The following CORO1C variants were observed in gnomAD, a reference collection of about 807,000 sequenced individuals.
The protein encoded by CORO1C is coronin-1C.
CORO1C carries 14 observed loss-of-function variants against 51.2 expected under a neutral mutation model. The ratio of observed to expected loss-of-function variants is 0.27; its 90% CI spans 0.18 to 0.43. The LOEUF (loss-of-function observed/expected upper bound fraction) is 0.43. Ranked by LOEUF, CORO1C falls within the 20% of genes least tolerant of loss-of-function variation. CORO1C has a pLI of 1.00. For missense variants in CORO1C, 417 were observed against 607.8 expected (o/e 0.69, Z 3.30); for synonymous variants, 181 against 210.5 (o/e 0.86, Z 1.21).
chr12:108,694,568 C>T (rs1398872375), intron 2 of CORO1C, among the ~76,000 whole-genome samples: 1 of 152,034 alleles, frequency 6.6e-6, no homozygotes, highest in Non-Finnish European at 1.5e-5. Context: ...TCAATGTTAA[C>T]ATTGCACATT....
At chr12:108,664,171 T>C (rs1234161888) in intron 3 of CORO1C, among the ~76,000 whole-genome samples, 4 of 152,136 alleles carry the variant, frequency 2.6e-5, no homozygotes, top group Admixed American at 2.0e-4. Context: ...AACAAGTAAA[T>C]TTACCATCAG....
chr12:108,655,935 G>A (rs565587678), intron 6 of CORO1C, among the ~76,000 whole-genome samples: 3 of 151,918 alleles, frequency 2.0e-5, no homozygotes, highest in Non-Finnish European at 4.4e-5. Context: ...AGGAAGTGAG[G>A]AGCGTCTCTG....
intron 4 of CORO1C, among the ~76,000 whole-genome samples, chr12:108,661,820 C>T (rs1407472372): frequency 6.6e-6 from 1 of 152,108 alleles, no homozygotes; most frequent in Non-Finnish European, 1.5e-5. Flanking sequence ...CTCAGGTTGT[C>T]GAAATGGCCT....
At chr12:108,659,007 A>C in intron 4 of CORO1C, 88 bp from the exon 5 acceptor site, 1 of 1,344,178 alleles carries the variant, frequency 7.4e-7, no homozygotes, top group Non-Finnish European at 1.0e-6. Context: ...GAGAATACAC[A>C]TATGTATATG....
intron 2 of CORO1C, among the ~76,000 whole-genome samples, chr12:108,683,930 G>GT (rs1856534838): frequency 1.3e-5 from 2 of 152,314 alleles, no homozygotes; most frequent in South Asian, 2.1e-4. Flanking sequence ...ACAAAGGACA[G>GT]TATAAGGGAG....
intron 1 of CORO1C, chr12:108,702,658 G>A (rs2034909646): frequency 1.2e-6 from 1 of 856,430 alleles, no homozygotes; most frequent in Non-Finnish European, 1.7e-6. Flanking sequence ...ACAGAGGAGA[G>A]CTAACACCTG....
rs2032498618 is a variant in CORO1C at position 108,648,745 on chromosome 12, A to G, written c.1165T>C (p.Ser389Pro). 6.2e-7 allele frequency: 1 copy of G among 1,613,984 alleles called. No individual in the cohort carries two copies. The change falls in exon 10 of 11, where the codon TCC becomes CCC. Residue 389 changes from serine to proline, a missense_variant. Ser to Pro is a moderately conservative substitution (Grantham distance 74). Coordinates refer to ENST00000261401, the MANE Select transcript of CORO1C (RefSeq NM_014325.4). ...EGKNADPILI[S>P]LKHGYIPGKN... is the part of the protein sequence containing the mutation. ...CCTGGAATGTACCCGTGCTTCAAGGAGATGAGGATTGGGTCTGCATTCTTG... is the reference window on the plus strand; with the variant it reads ...CCTGGAATGTACCCGTGCTTCAAGGGGATGAGGATTGGGTCTGCATTCTTG...
intron 4 of CORO1C, 155 bp downstream of exon 4, chr12:108,661,874 C>T: frequency 1.2e-5 from 9 of 728,098 alleles, no homozygotes; most frequent in Non-Finnish European, 2.0e-5. Flanking sequence ...TGTATGTGGG[C>T]TGGGGGAGCA....
intron 1 of CORO1C, chr12:108,701,589 A>G: frequency 2.1e-6 from 1 of 477,106 alleles, no homozygotes; most frequent in South Asian, 2.2e-5. Context: ...ATTTCAATGG[A>G]AAGATTAAGG....
intron 2 of CORO1C, among the ~76,000 whole-genome samples, chr12:108,700,635 G>C (rs12298235): frequency 2.1e-4 from 31 of 150,780 alleles, no homozygotes; most frequent in African/African-American, 7.3e-4. Flanking sequence ...TTGAGTTCTT[G>C]TTCCATTTCC....
intron 1 of CORO1C, among the ~76,000 whole-genome samples, chr12:108,704,925 CAA>C (rs1776293384): frequency 1.3e-5 from 2 of 152,154 alleles, no homozygotes; most frequent in Admixed American, 1.3e-4. Flanking sequence ...AAAATGGGTA[CAA>C]TGCATATAAA....
chr12:108,678,277 C>T lies in CORO1C; in HGVS notation c.313G>A (p.Val105Ile), dbSNP rs577646346. Reference protein sequence around the residue: ...VIASGSEDCTVMVWQIPENGL... With the variant: ...VIASGSEDCTIMVWQIPENGL... ...ACAACACCCTGGGAGCTTACCATGACCGTGCAGTCCTCTGAACCGCTGGCA... is the reference window on the plus strand; with the variant it reads ...ACAACACCCTGGGAGCTTACCATGATCGTGCAGTCCTCTGAACCGCTGGCA... The change falls in exon 3 of 11, where the codon GTC (valine) becomes ATC (isoleucine). Residue 105 changes from valine to isoleucine, a missense_variant. Coordinates refer to ENST00000261401, the MANE Select transcript of CORO1C (RefSeq NM_014325.4). 4.3e-6 allele frequency: 7 copies of T among 1,610,778 alleles called. No individual in the cohort carries two copies. Among genetic ancestry groups the T allele is most frequent in the South Asian group, 1.1e-5 (1 of 90,634 alleles).
intron 3 of CORO1C, among the ~76,000 whole-genome samples, chr12:108,668,836 G>A (rs943516802): frequency 6.6e-6 from 1 of 152,164 alleles, no homozygotes; most frequent in Non-Finnish European, 1.5e-5. Context: ...TAAGTTGACT[G>A]CTCTTTGTAT....
chr12:108,664,752 T>C (rs564233017), intron 3 of CORO1C, among the ~76,000 whole-genome samples: 1 of 152,364 alleles, frequency 6.6e-6, no homozygotes, highest in East Asian at 1.9e-4. Flanking sequence ...GCACTATTTT[T>C]ATTCAAGAAT....
intron 2 of CORO1C, among the ~76,000 whole-genome samples, chr12:108,693,094 G>A (rs762778409): frequency 5.3e-5 from 8 of 151,876 alleles, no homozygotes; most frequent in African/African-American, 9.7e-5. Context: ...CACCGCGCCC[G>A]GCTAAACCAC....
At chr12:108,726,230 A>G (rs1449837755) in intron 1 of CORO1C, among the ~76,000 whole-genome samples, 1 of 152,106 alleles carries the variant, frequency 6.6e-6, no homozygotes, top group African/African-American at 2.4e-5. Flanking sequence ...ATCCTGGCTA[A>G]CACAGTGAAA....
chr12:108,724,915 TA>T (rs2035553054), intron 1 of CORO1C, among the ~76,000 whole-genome samples: 1 of 152,184 alleles, frequency 6.6e-6, no homozygotes, highest in African/African-American at 2.4e-5. Context: ...TAACATACCA[TA>T]AAACTATAGA....
intron 8 of CORO1C, among the ~76,000 whole-genome samples, chr12:108,651,477 T>C (rs1334535699): frequency 2.0e-5 from 3 of 152,220 alleles, no homozygotes; most frequent in Non-Finnish European, 2.9e-5. Flanking sequence ...CTGAACTTCC[T>C]AAATCAAGCT....
intron 2 of CORO1C, among the ~76,000 whole-genome samples, chr12:108,686,913 G>C (rs1298280605): frequency 6.6e-6 from 1 of 152,236 alleles, no homozygotes; most frequent in Non-Finnish European, 1.5e-5. Flanking sequence ...GCTGGCACAA[G>C]GGAGAGGTGT....
Sources: allele counts gnomAD v4.1 joint callset (sites outside exome capture counted in the v4.1 genomes callset), GRCh38; gene constraint gnomAD v4.1.1; transcripts MANE v1.5; gene names NCBI Gene and HGNC (gene_info 2026-07-23, HGNC 2026-07-21).